The following ADAMTSL1 variants were observed in gnomAD, a reference collection of about 807,000 sequenced individuals.
The protein encoded by ADAMTSL1 is ADAMTS-like protein 1.
A neutral mutation model predicts 201.8 loss-of-function variants in ADAMTSL1; 126 were observed. The observed-to-expected ratio is 0.62, with a 90% CI of 0.54 to 0.72. ADAMTSL1 has a LOEUF of 0.72. ADAMTSL1 is among the 30% of genes least tolerant of loss of function. ADAMTSL1 has a pLI of 0.00. For missense variants in ADAMTSL1, 2,679 were observed against 2,277.8 expected, an observed-to-expected ratio of 1.18 and a Z score of -3.59; for synonymous variants, 1,121 against 903.4, an observed-to-expected ratio of 1.24 and a Z score of -4.32.
At chr9:18,131,009 T>G (rs1825928769) in intron 1 of ADAMTSL1, among the ~76,000 whole-genome samples, 1 of 152,166 alleles carries the variant, frequency 6.6e-6, no homozygotes, top group African/African-American at 2.4e-5. Flanking sequence ...AGAAGCCAGA[T>G]AAATCAATGT....
At chr9:18,808,526 A>T (rs941417384) in intron 20 of ADAMTSL1, among the ~76,000 whole-genome samples, 2 of 152,222 alleles carry the variant, frequency 1.3e-5, no homozygotes, top group African/African-American at 4.8e-5. Context: ...GCTGGATTTC[A>T]TTCAGTGACA....
At chr9:18,147,913 C>T (rs990421897) in intron 1 of ADAMTSL1, among the ~76,000 whole-genome samples, 1 of 152,074 alleles carries the variant, frequency 6.6e-6, no homozygotes, top group Non-Finnish European at 1.5e-5. Context: ...GAGATACCAG[C>T]TTCTCTTTGG....
At chr9:18,216,040 C>A (rs754539681) in intron 2 of ADAMTSL1, among the ~76,000 whole-genome samples, 3 of 152,168 alleles carry the variant, frequency 2.0e-5, no homozygotes, top group Non-Finnish European at 4.4e-5. Flanking sequence ...AACCACCACT[C>A]CTGGAAACAT....
intron 1 of ADAMTSL1, among the ~76,000 whole-genome samples, chr9:18,020,803 A>C (rs1484322622): frequency 1.3e-5 from 2 of 152,052 alleles, no homozygotes; most frequent in East Asian, 3.9e-4. Flanking sequence ...CCTGAATATC[A>C]ATTTTGTTTG....
chr9:18,009,128 C>A (rs944553573), intron 1 of ADAMTSL1, among the ~76,000 whole-genome samples: 1 of 152,020 alleles, frequency 6.6e-6, no homozygotes, highest in Non-Finnish European at 1.5e-5. Context: ...CATTATTCAA[C>A]CAGTTCTTGC....
chr9:18,752,973 A>G (rs1442813857), intron 15 of ADAMTSL1, among the ~76,000 whole-genome samples: 1 of 152,186 alleles, frequency 6.6e-6, no homozygotes, highest in African/African-American at 2.4e-5. Flanking sequence ...TTATGTACTC[A>G]ATCTATGTCT....
intron 4 of ADAMTSL1, among the ~76,000 whole-genome samples, chr9:18,583,550 ACCAC>A (rs768055643): frequency 0.14 from 21,474 of 152,176 alleles, 1,883 homozygotes; most frequent in South Asian, 0.25. Context: ...CTACTGGAAC[ACCAC>A]CTAGGAAAGC....
rs536163193 is a variant in ADAMTSL1, at chr9:18,185,714, A to G, written c.207+21733A>G. On this transcript the variant is annotated intron_variant, in intron 2 of 29. Transcript: ENST00000680146. ...CTAAATCAATTTGGTATAGAAATGA[A>G]TAGCTTTATACATCAGTATAATCTT... is the stretch of plus-strand genomic sequence containing the variant. 4.6e-5 allele frequency among the ~76,000 whole-genome samples: 7 copies of G among 152,184 alleles called. No homozygotes were observed. In the South Asian group the frequency reaches 1.2e-3, roughly 27 times the overall value.
In ADAMTSL1 at chr9:18,726,253, A is replaced by G. The variant is rs2133452980; in HGVS notation, c.2006+4588A>G. Reference sequence around the variant, plus strand: ...CGTGGTGGCTCACACCTGTAATCCCAGTACTTTGGGAGGCCAAGGCAGATG... The same window carrying G: ...CGTGGTGGCTCACACCTGTAATCCCGGTACTTTGGGAGGCCAAGGCAGATG... On this transcript the variant is annotated intron_variant, in intron 15 of 28. Coordinates refer to ENST00000380548, the MANE Select transcript of ADAMTSL1 (RefSeq NM_001040272.6). Among the ~76,000 whole-genome samples the G allele has an allele frequency of 2.0e-5, 3 of 152,324 alleles. No homozygotes were observed. The East Asian group carries it at 5.8e-4, about 29-fold the overall frequency.
chr9:18,226,535 T>G (rs1830438317), intron 2 of ADAMTSL1, among the ~76,000 whole-genome samples: 1 of 152,178 alleles, frequency 6.6e-6, no homozygotes, highest in Non-Finnish European at 1.5e-5. Context: ...CTTTTTATTT[T>G]CAGAACTTTC....
intron 2 of ADAMTSL1, among the ~76,000 whole-genome samples, chr9:18,276,842 G>C (rs1237589482): frequency 2.0e-5 from 3 of 152,234 alleles, no homozygotes; most frequent in East Asian, 3.9e-4. Context: ...CCCACCCCCA[G>C]GACCCAAACT....
intron 4 of ADAMTSL1, among the ~76,000 whole-genome samples, chr9:18,589,686 C>T (rs920897311): frequency 5.3e-5 from 8 of 152,030 alleles, no homozygotes; most frequent in African/African-American, 1.2e-4. Context: ...TTTTTCTGTT[C>T]AGTATGTTAG....
Position 17,918,422 on chromosome 9 carries a change from C to T in ADAMTSL1, c.87+11500C>T, listed in dbSNP as rs114147515. ...CTATTTAGAAATGGTTGTTTGGTTTCTAAATATTTGGGGATTATCTGGGTA... is the reference window on the plus strand; with the variant it reads ...CTATTTAGAAATGGTTGTTTGGTTTTTAAATATTTGGGGATTATCTGGGTA... On this transcript the variant is annotated intron_variant, in intron 1 of 29. Coordinates refer to the ADAMTSL1 transcript ENST00000680146. Among the ~76,000 whole-genome samples the T allele has an allele frequency of 6.4e-3, 959 of 150,866 alleles. 11 individuals carry two copies. The highest frequency in any genetic ancestry group is 0.022 in the African/African-American group (907 of 41,138).
At chr9:18,781,635 A>T (rs1821401404) in intron 19 of ADAMTSL1, among the ~76,000 whole-genome samples, 1 of 152,210 alleles carries the variant, frequency 6.6e-6, no homozygotes, top group Non-Finnish European at 1.5e-5. Flanking sequence ...TATGTCTGGT[A>T]GTGGTTCAGA....
intron 1 of ADAMTSL1, among the ~76,000 whole-genome samples, chr9:17,992,235 G>A (rs1819186221): frequency 6.6e-6 from 1 of 152,088 alleles, no homozygotes; most frequent in Non-Finnish European, 1.5e-5. Context: ...CAGAGGTCAA[G>A]CTAGGGTAGA....
intron 1 of ADAMTSL1, among the ~76,000 whole-genome samples, chr9:17,951,985 G>T (rs1827745689): frequency 6.6e-6 from 1 of 151,924 alleles, no homozygotes; most frequent in African/African-American, 2.4e-5. Flanking sequence ...ATTTTTTGTA[G>T]AGATTAGGTC....
At chr9:18,454,988 C>T (rs943888774) in intron 2 of ADAMTSL1, among the ~76,000 whole-genome samples, 4 of 152,094 alleles carry the variant, frequency 2.6e-5, no homozygotes, top group Admixed American at 2.6e-4. Flanking sequence ...TGCAATTCTT[C>T]CCCACCCCCA....
intron 2 of ADAMTSL1, among the ~76,000 whole-genome samples, chr9:18,166,011 A>G (rs1408802110): frequency 1.3e-5 from 2 of 151,944 alleles, no homozygotes; most frequent in Admixed American, 1.3e-4. Context: ...GGGAGAATCA[A>G]CAAGAAACCT....
intron 15 of ADAMTSL1, among the ~76,000 whole-genome samples, chr9:18,739,720 C>T (rs1286360156): frequency 5.3e-5 from 8 of 152,190 alleles, no homozygotes. Context: ...CACGTCAACA[C>T]CCTTTAGGGC....
Sources: allele counts gnomAD v4.1 joint callset (sites outside exome capture counted in the v4.1 genomes callset), GRCh38; gene constraint gnomAD v4.1.1; transcripts MANE v1.5; gene names NCBI Gene and HGNC (gene_info 2026-07-23, HGNC 2026-07-21).